ZNF506: variants seen among roughly 807,000 people sequenced by gnomAD.
ZNF506 encodes the protein zinc finger protein 506.
Under a neutral mutation model 11.6 loss-of-function variants are expected in ZNF506, and 10 were observed. The observed-to-expected ratio is 0.86, with a 90% CI of 0.53 to 1.46. The LOEUF is 1.46. Among genes scored for constraint, ZNF506 ranks in the 40% most tolerant of loss-of-function variants. The pLI, the probability that ZNF506 is intolerant of heterozygous loss-of-function variation, is 0.00. For missense variants in ZNF506, 425 were observed against 521.2 expected (o/e 0.82, Z 1.80); for synonymous variants, 156 against 173.3 (o/e 0.90, Z 0.78).
rs1454424362 is a variant in ZNF506 at position 19,795,268 on chromosome 19, C to T, written c.619G>A (p.Gly207Ser). ...TGTGAGGACTGCTTATAGGCTTTAC[C>T]ACATTCTTCACATTTATAGCGTTTC... ...GEKRYKCEEC[G>S]KAYKQSSHLT... The change falls in exon 4 of 4, where the codon GGT (glycine) becomes AGT (serine). Residue 207 changes from glycine to serine, a missense_variant. Physicochemically the swap from Gly to Ser is moderately conservative, Grantham distance 56. Transcript: ENST00000540806. 15 of 1,613,992 alleles carry T rather than the reference C, an allele frequency of 9.3e-6. No homozygotes were observed. The highest frequency in any genetic ancestry group is 1.2e-5 in the Non-Finnish European group (14 of 1,179,992).
intron 1 of ZNF506, among the ~76,000 whole-genome samples, chr19:19,807,562 A>G (rs1173857481): frequency 9.2e-5 from 14 of 152,126 alleles, no homozygotes; most frequent in East Asian, 1.9e-4. Context: ...GCTGGAGTGC[A>G]ATGGCGCCAT....
rs192730824 is a variant in ZNF506 at position 19,808,699 on chromosome 19, C to T, written c.4-1631G>A. ...ATCTCTACAAAATACAAAAATTAGC[C>T]GGGCGTGGTGGCGGGCACCTGTAAT... On this transcript the variant is annotated intron_variant, in intron 1 of 3. Transcript: ENST00000540806. 6.5e-4 allele frequency among the ~76,000 whole-genome samples: 99 copies of T among 151,188 alleles called. 1 individual carries two copies. Among genetic ancestry groups the T allele is most frequent in the Middle Eastern group, 3.4e-3 (1 of 292 alleles).
intron 1 of ZNF506, among the ~76,000 whole-genome samples, chr19:19,810,911 A>G (rs1390863790): frequency 2.6e-5 from 4 of 152,042 alleles, no homozygotes; most frequent in Non-Finnish European, 5.9e-5. Context: ...GCAAGACTCC[A>G]TGGTAGGGTC....
At chr19:19,807,096 A>G (rs758476225) in intron 1 of ZNF506, 28 bp from the exon 2 acceptor site, 16 of 1,611,976 alleles carry the variant, frequency 9.9e-6, no homozygotes, top group Non-Finnish European at 1.4e-5. Context: ...ACTTATTTTT[A>G]CCAAGTGGCC....
At chr19:19,806,191 G>A (rs2062834670) in intron 2 of ZNF506, 65 bp from the exon 3 acceptor site, 6 of 1,164,604 alleles carry the variant, frequency 5.2e-6, no homozygotes, top group Non-Finnish European at 7.2e-6. Context: ...CTAGTACTGT[G>A]CTCAGCAGAG....
At chr19:19,808,280 G>C (rs1021365361) in intron 1 of ZNF506, among the ~76,000 whole-genome samples, 2 of 150,702 alleles carry the variant, frequency 1.3e-5, no homozygotes, top group Non-Finnish European at 3.0e-5. Context: ...CCCGCCACCA[G>C]GCCCGGCTAA....
chr19:19,815,392 G>C (rs1304206732), intron 1 of ZNF506, among the ~76,000 whole-genome samples: 1 of 152,190 alleles, frequency 6.6e-6, no homozygotes, highest in Non-Finnish European at 1.5e-5. Context: ...GGAATCCTGT[G>C]GTGGCAGCTG....
intron 1 of ZNF506, among the ~76,000 whole-genome samples, chr19:19,814,436 A>ATAATAATAATAATAATAATAATAATAG (rs754283632): frequency 2.5e-4 from 37 of 149,528 alleles, no homozygotes; most frequent in African/African-American, 9.0e-4. Flanking sequence ...AATAATAATA[A>ATAATAATAATAATAATAATAATAATAG]TGCAGAAACA....
chr19:19,817,794 A>G (rs1349006094), intron 1 of ZNF506, among the ~76,000 whole-genome samples: 11 of 151,334 alleles, frequency 7.3e-5, no homozygotes, highest in African/African-American at 2.7e-4. Flanking sequence ...AATTACTCAA[A>G]CACAGTGTTT....
intron 1 of ZNF506, 51 bp downstream of exon 1, chr19:19,821,550 G>C: frequency 6.2e-7 from 1 of 1,613,582 alleles, no homozygotes; most frequent in Non-Finnish European, 8.5e-7. Context: ...TTCCTCCCCA[G>C]TTCCAACCAG....
intron 3 of ZNF506, among the ~76,000 whole-genome samples, chr19:19,805,169 AAGT>A (rs1164618020): frequency 6.6e-6 from 1 of 152,176 alleles, no homozygotes; most frequent in Admixed American, 6.5e-5. Flanking sequence ...ATTAACATAA[AAGT>A]ATATCTATGG....
intron 3 of ZNF506, among the ~76,000 whole-genome samples, chr19:19,805,639 C>A (rs2062829738): frequency 1.3e-5 from 2 of 151,968 alleles, no homozygotes; most frequent in Non-Finnish European, 2.9e-5. Flanking sequence ...TTCACACACA[C>A]ATTTAAGACC....
Position 19,806,011 on chromosome 19 carries a change from T to G in ZNF506, c.226+20A>C, listed in dbSNP as rs186837094. On this transcript the variant is annotated intron_variant, in intron 3 of 3. Transcript: ENST00000540806. ...CCTCTATCTGTGTTGTCTGTCCTAT[T>G]CATTTTCACTCGCACCTACCTGGGG... The G allele has an allele frequency of 6.3e-7, 1 of 1,589,754 alleles. No homozygotes were observed. Among genetic ancestry groups the G allele is most frequent in the African/African-American group, 1.4e-5 (1 of 73,666 alleles).
Position 19,821,611 on chromosome 19 carries a change from C to T in ZNF506, c.-8G>A. 6.2e-7 allele frequency: 1 copy of T among 1,614,082 alleles called. No individual in the cohort carries two copies. The highest frequency in any genetic ancestry group is 8.5e-7 in the Non-Finnish European group (1 of 1,179,936). Reference sequence around the variant, plus strand: ...AACTGGCACTCTCACCATTTCTAGGCTTCCAGGGGGTCCCGGCGTCCTAGC... The same window carrying T: ...AACTGGCACTCTCACCATTTCTAGGTTTCCAGGGGGTCCCGGCGTCCTAGC... On this transcript the variant is annotated 5_prime_UTR_variant, in exon 1 of 4. Coordinates refer to ENST00000540806, the MANE Select transcript of ZNF506 (RefSeq NM_001099269.3).
intron 2 of ZNF506, 49 bp downstream of exon 2, chr19:19,806,889 GAAAT>G (rs2062839565): frequency 6.4e-7 from 1 of 1,564,500 alleles, no homozygotes; most frequent in Admixed American, 2.0e-5. Context: ...ACAAAAAAGA[GAAAT>G]AAAACCTTTA....
chr19:19,806,836 T>G (rs938486641), intron 2 of ZNF506, 106 bp downstream of exon 2: 4 of 1,348,654 alleles, frequency 3.0e-6, no homozygotes, highest in Non-Finnish European at 4.0e-6. Context: ...AAAGGAGATC[T>G]GAAACTCTTG....
chr19:19,811,897 C>A (rs1302145310), intron 1 of ZNF506, among the ~76,000 whole-genome samples: 1 of 152,140 alleles, frequency 6.6e-6, no homozygotes, highest in Non-Finnish European at 1.5e-5. Flanking sequence ...AGATTTTAGA[C>A]ACATTGTATT....
intron 1 of ZNF506, among the ~76,000 whole-genome samples, chr19:19,817,146 G>C (rs2062939243): frequency 4.9e-5 from 7 of 141,980 alleles, no homozygotes; most frequent in Admixed American, 4.8e-4. Context: ...TCCCTCCCTT[G>C]GGCTCCTGAA....
chr19:19,811,573 G>A, intron 1 of ZNF506, among the ~76,000 whole-genome samples: 1 of 152,186 alleles, frequency 6.6e-6, no homozygotes, highest in East Asian at 1.9e-4. Flanking sequence ...GTAGGCCGAG[G>A]TGGGTGGATC....
Sources: allele counts gnomAD v4.1 joint callset (sites outside exome capture counted in the v4.1 genomes callset), GRCh38; gene constraint gnomAD v4.1.1; transcripts MANE v1.5; gene names NCBI Gene and HGNC (gene_info 2026-07-23, HGNC 2026-07-21).